Variants in ROR2 observed in about 807,000 individuals in gnomAD.
ROR2 encodes ROR family WNT receptor 2, also known as tyrosine-protein kinase transmembrane receptor ROR2.
A neutral mutation model predicts 74.9 loss-of-function variants in ROR2; 33 were observed. That is an observed-to-expected ratio of 0.44 (90% confidence interval 0.33 to 0.59). The LOEUF is 0.59. Among genes scored for constraint, ROR2 ranks in the 20% least tolerant of loss-of-function variants. The pLI, the probability that ROR2 is intolerant of heterozygous loss-of-function variation, is 0.02. For missense variants in ROR2, 1,216 were observed against 1,313.8 expected (o/e 0.93, Z 1.15); for synonymous variants, 586 against 558.7 (o/e 1.05, Z -0.69).
chr9:91,934,883 AAAT>A (rs752019520), intron 1 of ROR2, among the ~76,000 whole-genome samples: 44 of 152,214 alleles, frequency 2.9e-4, no homozygotes, highest in African/African-American at 8.9e-4. Context: ...TTTCAAAAGA[AAAT>A]AATAATGACA....
At chr9:91,854,274 T>A (rs1267270978) in intron 1 of ROR2, among the ~76,000 whole-genome samples, 1 of 152,178 alleles carries the variant, frequency 6.6e-6, no homozygotes, top group African/African-American at 2.4e-5. Context: ...CCAAGTACCC[T>A]GGCCAGGAAA....
At chr9:91,743,645 G>A (rs147245400) in intron 4 of ROR2, among the ~76,000 whole-genome samples, 45 of 152,092 alleles carry the variant, frequency 3.0e-4, no homozygotes, top group African/African-American at 8.9e-4. Flanking sequence ...CCACAAGAGC[G>A]TTACAGACCA....
At chr9:91,828,059 C>T (rs1828346378) in intron 1 of ROR2, among the ~76,000 whole-genome samples, 1 of 152,252 alleles carries the variant, frequency 6.6e-6, no homozygotes, top group African/African-American at 2.4e-5. Context: ...TGTCCAGCAT[C>T]CCTGAAAAGT....
Position 91,724,785 on chromosome 9 carries a change from G to A in ROR2, c.1709C>T (p.Pro570Leu), listed in dbSNP as rs546802275. The change falls in exon 9 of 9, where the codon CCG (proline) becomes CTG (leucine). Residue 570 changes from proline (P) to leucine (L), a missense_variant. Physicochemically the swap from Pro to Leu is moderately conservative, Grantham distance 98 (BLOSUM62 -3). Transcript: ENST00000375708. Reference protein sequence around the residue: ...DLHEFLVMRSPHSDVGSTDDD... With the variant: ...DLHEFLVMRSLHSDVGSTDDD... ...ATCGGTGCTGCCCACGTCCGAGTGC[G>A]GCGAGCGCATGACCAGGAATTCGTG... The A allele has an allele frequency of 8.7e-6, 14 of 1,611,592 alleles. No homozygotes were observed. The highest frequency in any genetic ancestry group is 8.3e-5 in the Admixed American group (5 of 59,960).
intron 5 of ROR2, among the ~76,000 whole-genome samples, chr9:91,734,258 T>C (rs963316514): frequency 5.3e-5 from 8 of 152,148 alleles, no homozygotes; most frequent in Non-Finnish European, 1.2e-4. Flanking sequence ...CAGCCTGCCC[T>C]GGGCTCACTA....
intron 1 of ROR2, among the ~76,000 whole-genome samples, chr9:91,816,501 C>T (rs1463413963): frequency 2.0e-5 from 3 of 152,112 alleles, no homozygotes; most frequent in Admixed American, 6.5e-5. Flanking sequence ...TGTGCTTCCT[C>T]GGCCTTGCCC....
At chr9:91,836,590 G>A (rs1828618878) in intron 1 of ROR2, among the ~76,000 whole-genome samples, 1 of 151,412 alleles carries the variant, frequency 6.6e-6, no homozygotes, top group African/African-American at 2.4e-5. Context: ...GAGCAGCAAT[G>A]CTAAGAAAGC....
At chr9:91,784,121 C>G (rs968885947) in intron 1 of ROR2, among the ~76,000 whole-genome samples, 6 of 152,146 alleles carry the variant, frequency 3.9e-5, no homozygotes, top group Admixed American at 3.3e-4. Flanking sequence ...CACCACAGCC[C>G]GGCCTCCCGT....
intron 7 of ROR2, among the ~76,000 whole-genome samples, chr9:91,727,169 A>C (rs191996541): frequency 1.3e-5 from 2 of 152,162 alleles, no homozygotes; most frequent in Non-Finnish European, 2.9e-5. Context: ...GGTGAGTGAA[A>C]CTTGGTACTG....
At chr9:91,862,241 A>C (rs1211330280) in intron 1 of ROR2, among the ~76,000 whole-genome samples, 6 of 152,116 alleles carry the variant, frequency 3.9e-5, no homozygotes. Context: ...GAGGCAAGAG[A>C]ATGGTGTGAA....
intron 1 of ROR2, among the ~76,000 whole-genome samples, chr9:91,862,465 C>T (rs888919796): frequency 6.6e-6 from 1 of 152,012 alleles, no homozygotes; most frequent in African/African-American, 2.4e-5. Flanking sequence ...CAGAAACAGC[C>T]TCGTCAACAC....
chr9:91,770,315 T>C (rs1587703037), intron 2 of ROR2, among the ~76,000 whole-genome samples: 1 of 152,326 alleles, frequency 6.6e-6, no homozygotes, highest in African/African-American at 2.4e-5. Flanking sequence ...CAGGCTACAA[T>C]CACCTGGCAG....
At chr9:91,900,290 A>C (rs2119430542) in intron 1 of ROR2, among the ~76,000 whole-genome samples, 1 of 152,314 alleles carries the variant, frequency 6.6e-6, no homozygotes, top group Non-Finnish European at 1.5e-5. Flanking sequence ...TGGACGCCGC[A>C]AGGGGCTGCA....
intron 1 of ROR2, among the ~76,000 whole-genome samples, chr9:91,817,152 G>C (rs932647035): frequency 1.3e-5 from 2 of 152,158 alleles, no homozygotes; most frequent in Non-Finnish European, 2.9e-5. Context: ...CAACCCCAGG[G>C]GCTCAGTGCT....
chr9:91,757,813 C>A (rs1166934560), intron 2 of ROR2, among the ~76,000 whole-genome samples: 3 of 152,166 alleles, frequency 2.0e-5, no homozygotes, highest in Non-Finnish European at 4.4e-5. Context: ...CTTTCACCAA[C>A]CAACCAATAC....
chr9:91,825,645 A>G (rs1287215662), intron 1 of ROR2, among the ~76,000 whole-genome samples: 1 of 152,194 alleles, frequency 6.6e-6, no homozygotes, highest in Admixed American at 6.5e-5. Context: ...GTTGTATTTC[A>G]ACAAGTCACA....
chr9:91,907,668 G>A (rs140586088), intron 1 of ROR2, among the ~76,000 whole-genome samples: 1 of 152,106 alleles, frequency 6.6e-6, no homozygotes, highest in African/African-American at 2.4e-5. Context: ...GTCTACAAAG[G>A]GGGCTGGCTT....
chr9:91,755,491 G>A (rs894676798), intron 4 of ROR2, among the ~76,000 whole-genome samples: 1 of 152,218 alleles, frequency 6.6e-6, no homozygotes, highest in Non-Finnish European at 1.5e-5. Context: ...CAGTTCAGAG[G>A]GGACTCTCCC....
rs1021191232 is a variant in ROR2 at position 91,885,179 on chromosome 9, C to G, written c.97+64688G>C. On this transcript the variant is annotated intron_variant, in intron 1 of 8. Coordinates refer to ENST00000375708, the MANE Select transcript of ROR2 (RefSeq NM_004560.4). The stretch of plus-strand genomic sequence containing the variant: ...TCCCAATTCTCTCCCATTTGTCAAT[C>G]AAACCCAAGGAAACTCCTTTCCAAA... 3.9e-5 allele frequency among the ~76,000 whole-genome samples: 6 copies of G among 152,310 alleles called. No homozygotes were observed. In the East Asian group the frequency reaches 1.2e-3, roughly 29 times the overall value.
Sources: allele counts gnomAD v4.1 joint callset (sites outside exome capture counted in the v4.1 genomes callset), GRCh38; gene constraint gnomAD v4.1.1; transcripts MANE v1.5; gene names NCBI Gene and HGNC (gene_info 2026-07-23, HGNC 2026-07-21).